SRPK2: variants seen among roughly 807,000 people sequenced by gnomAD.
SRPK2 encodes the protein SRSF protein kinase 2, also known as SFRS protein kinase 2.
Under a neutral mutation model 90.8 loss-of-function variants are expected in SRPK2, and 21 were observed. The observed-to-expected ratio is 0.23, with a 90% CI of 0.16 to 0.33. The LOEUF (loss-of-function observed/expected upper bound fraction) is 0.33, where lower values mean the gene tolerates loss of function less well. SRPK2 is among the 10% of genes least tolerant of loss of function. The pLI, the probability that SRPK2 is intolerant of heterozygous loss-of-function variation, is 1.00. For missense variants in SRPK2, 620 were observed against 869.0 expected, an observed-to-expected ratio of 0.71 and a Z score of 3.60; for synonymous variants, 288 against 311.1, an observed-to-expected ratio of 0.93 and a Z score of 0.78.
In SRPK2 at chr7:105,167,253, T is replaced by C. The variant is rs1333076215; in HGVS notation, c.514+124A>G. ...TTCTAGGTGGACCACTTCATAATAC[T>C]TGACAATGTTCCTAGAGTGTTTATG... On this transcript the variant is annotated intron_variant, in intron 6 of 15. Coordinates refer to ENST00000393651, the MANE Select transcript of SRPK2 (RefSeq NM_182692.3). 5 of 726,568 alleles carry C rather than the reference T, an allele frequency of 6.9e-6. No homozygotes were observed. The East Asian group carries it at 8.5e-5, about 12-fold the overall frequency. The allele number at this position is 726,568 out of a possible 1,614,324, so 45.0% of individuals were successfully genotyped here. A position where few individuals can be genotyped will look rare whatever the true frequency, so the allele number is the denominator to read the frequency against.
chr7:105,308,861 T>C (rs561460292), intron 2 of SRPK2, among the ~76,000 whole-genome samples: 2 of 152,318 alleles, frequency 1.3e-5, no homozygotes, highest in African/African-American at 4.8e-5. Flanking sequence ...TCTCTCTCTG[T>C]AATCTTTCAT....
At chr7:105,303,112 C>T (rs1392628501) in intron 2 of SRPK2, among the ~76,000 whole-genome samples, 1 of 151,994 alleles carries the variant, frequency 6.6e-6, no homozygotes, top group East Asian at 1.9e-4. Flanking sequence ...GGCACATATA[C>T]ACCATGGAAT....
chr7:105,207,692 A>G lies in SRPK2; in HGVS notation c.72-3907T>C, dbSNP rs945008670. ...GGCTTTACATGAAAGAGCTAAAACT[A>G]TAAAACTCTCAGGAAAAAAACATAG... On this transcript the variant is annotated intron_variant, in intron 2 of 15. Coordinates refer to ENST00000393651, the MANE Select transcript of SRPK2 (RefSeq NM_182692.3). Among the ~76,000 whole-genome samples the G allele has an allele frequency of 4.6e-5, 7 of 152,358 alleles. No homozygotes were observed. In the East Asian group the frequency reaches 1.3e-3, roughly 29 times the overall value.
At chr7:105,336,123 A>G (rs940900607) in intron 2 of SRPK2, among the ~76,000 whole-genome samples, 4 of 152,216 alleles carry the variant, frequency 2.6e-5, no homozygotes, top group Non-Finnish European at 5.9e-5. Context: ...CTTAAAAATA[A>G]ATTTGGATAT....
chr7:105,235,935 A>G (rs1211211900), intron 2 of SRPK2, among the ~76,000 whole-genome samples: 1 of 152,248 alleles, frequency 6.6e-6, no homozygotes, highest in Non-Finnish European at 1.5e-5. Context: ...TTTATATTCT[A>G]GCAGTACTTC....
chr7:105,191,202 C>G (rs932946747), intron 3 of SRPK2, among the ~76,000 whole-genome samples: 1 of 152,118 alleles, frequency 6.6e-6, no homozygotes, highest in Non-Finnish European at 1.5e-5. Flanking sequence ...TTTTTCATAG[C>G]CAAACGATAT....
chr7:105,363,796 A>G (rs992537259), intron 2 of SRPK2, among the ~76,000 whole-genome samples: 1 of 152,218 alleles, frequency 6.6e-6, no homozygotes, highest in Admixed American at 6.5e-5. Context: ...AATGTCCATC[A>G]ATGATAGAGT....
upstream of SRPK2, among the ~76,000 whole-genome samples, chr7:105,394,119 C>G (rs184673506): frequency 1.2e-3 from 188 of 151,862 alleles, no homozygotes; most frequent in Non-Finnish European, 2.3e-3. Context: ...CTTTTGTGGC[C>G]AGAGTCTTTC....
chr7:105,120,312 G>A (rs73404052), intron 15 of SRPK2, among the ~76,000 whole-genome samples: 2 of 152,272 alleles, frequency 1.3e-5, no homozygotes, highest in African/African-American at 2.4e-5. Context: ...TTTCTGAGGC[G>A]CCAGGTGTTA....
intron 15 of SRPK2, 22 bp downstream of exon 15, chr7:105,126,226 T>C (rs750078283): frequency 1.3e-6 from 2 of 1,578,248 alleles, no homozygotes; most frequent in South Asian, 2.2e-5. Flanking sequence ...TCGTGGCGCT[T>C]TTCAAAAAGA....
At chr7:105,241,428 G>C (rs1800804587) in intron 2 of SRPK2, among the ~76,000 whole-genome samples, 1 of 152,134 alleles carries the variant, frequency 6.6e-6, no homozygotes, top group African/African-American at 2.4e-5. Flanking sequence ...CAAAGCATGT[G>C]ATCATTCCTC....
intron 7 of SRPK2, among the ~76,000 whole-genome samples, chr7:105,154,257 T>C (rs1806171604): frequency 6.6e-6 from 1 of 152,196 alleles, no homozygotes; most frequent in African/African-American, 2.4e-5. Flanking sequence ...GGAAAGCAGC[T>C]TAGTCCCTTG....
chr7:105,349,569 T>C (rs569904985), intron 2 of SRPK2, among the ~76,000 whole-genome samples: 112 of 150,026 alleles, frequency 7.5e-4, no homozygotes, highest in African/African-American at 2.4e-3. Flanking sequence ...TAACATATAG[T>C]AGCATTAAAG....
intron 2 of SRPK2, among the ~76,000 whole-genome samples, chr7:105,281,667 GT>G (rs71520908): frequency 0.018 from 1,913 of 106,964 alleles, 34 homozygotes; most frequent in African/African-American, 0.058. Flanking sequence ...TGTTGCTAAG[GT>G]AAAAAAAAAA....
intron 2 of SRPK2, among the ~76,000 whole-genome samples, chr7:105,293,015 G>A (rs1241810432): frequency 6.6e-6 from 1 of 151,996 alleles, no homozygotes; most frequent in East Asian, 1.9e-4. Flanking sequence ...AGGCGTGGTG[G>A]CTCACGCCTG....
At chr7:105,214,524 T>C (rs1386652698) in intron 2 of SRPK2, among the ~76,000 whole-genome samples, 1 of 152,102 alleles carries the variant, frequency 6.6e-6, no homozygotes, top group African/African-American at 2.4e-5. Flanking sequence ...TAAATGTCTA[T>C]CAATAGGAAA....
chr7:105,227,127 C>T (rs1217024535), intron 2 of SRPK2, among the ~76,000 whole-genome samples: 2 of 152,004 alleles, frequency 1.3e-5, no homozygotes, highest in Non-Finnish European at 2.9e-5. Flanking sequence ...AATTCTCAAA[C>T]CAAGTAACAA....
intron 2 of SRPK2, among the ~76,000 whole-genome samples, chr7:105,218,183 G>C (rs971858780): frequency 1.3e-5 from 2 of 152,174 alleles, no homozygotes; most frequent in African/African-American, 4.8e-5. Context: ...GCTAGAGAAA[G>C]GTTGAGACCA....
chr7:105,379,862 C>G (rs1346978986), intron 2 of SRPK2, among the ~76,000 whole-genome samples: 2 of 152,136 alleles, frequency 1.3e-5, no homozygotes, highest in African/African-American at 4.8e-5. Context: ...CCTGTACTCC[C>G]AGCTACTCAG....
Sources: allele counts gnomAD v4.1 joint callset (sites outside exome capture counted in the v4.1 genomes callset), GRCh38; gene constraint gnomAD v4.1.1; transcripts MANE v1.5; gene names NCBI Gene and HGNC (gene_info 2026-07-23, HGNC 2026-07-21).